Variants in SUPT20H observed in about 807,000 individuals in gnomAD.
SUPT20H encodes the protein transcription factor SPT20 homolog.
SUPT20H carries 82 observed loss-of-function variants against 122.8 expected under a neutral mutation model. That is an observed-to-expected ratio of 0.67 (90% CI 0.56 to 0.80). The LOEUF (loss-of-function observed/expected upper bound fraction) is 0.80. Among genes scored for constraint, SUPT20H ranks in the 30% least tolerant of loss-of-function variants. SUPT20H has a pLI of 0.00. For missense variants in SUPT20H, 831 were observed against 921.6 expected, an observed-to-expected ratio of 0.90 and a Z score of 1.27; for synonymous variants, 291 against 313.0, an observed-to-expected ratio of 0.93 and a Z score of 0.74.
At chr13:37,048,922 T>C (rs1274515508) in intron 2 of SUPT20H, among the ~76,000 whole-genome samples, 1 of 145,058 alleles carries the variant, frequency 6.9e-6, no homozygotes, top group East Asian at 2.1e-4. Context: ...TTCAAAAAAA[T>C]ATACTGGCCA....
At chr13:37,020,698 TTCTCA>T (rs1268757922) in intron 21 of SUPT20H, among the ~76,000 whole-genome samples, 2 of 152,200 alleles carry the variant, frequency 1.3e-5, no homozygotes, top group African/African-American at 4.8e-5. Context: ...TAGGTTCTCT[TTCTCA>T]TAACTAAGAA....
At position 37,019,359 on chromosome 13, in the gene SUPT20H, G is replaced by C. The variant is rs1373850541; in HGVS notation, c.1855C>G (p.Pro619Ala). ...FGLKNTSSLRPLNLLQLPGGS... is the reference protein window; with the variant it reads ...FGLKNTSSLRALNLLQLPGGS... ...AGGTTTACCTGGAGTAGATTTAAGG[G>C]CCTGAGACTTGAAGTATTTTTTAAA... The change falls in exon 22 of 26, where the codon CCC becomes GCC. Residue 619 changes from proline (P) to alanine (A), a missense_variant. Transcript: ENST00000350612. 1.2e-6 allele frequency: 2 copies of C among 1,602,698 alleles called. No homozygotes were observed. The highest frequency in any genetic ancestry group is 1.7e-6 in the Non-Finnish European group (2 of 1,175,728).
At chr13:37,026,377 AT>A (rs1217184558) in intron 15 of SUPT20H, 141 bp from the exon 16 acceptor site, 4 of 520,176 alleles carry the variant, frequency 7.7e-6, no homozygotes, top group Non-Finnish European at 1.3e-5. Context: ...TATGAAAAAA[AT>A]TTTTTTAATG....
chr13:37,038,903 T>C (rs970005084), intron 9 of SUPT20H: 3 of 152,190 alleles, frequency 2.0e-5, no homozygotes, highest in African/African-American at 7.2e-5. Context: ...AGAACAAACA[T>C]CAAATTGATG....
chr13:37,030,743 T>C (rs1281125931), intron 12 of SUPT20H, among the ~76,000 whole-genome samples: 1 of 152,176 alleles, frequency 6.6e-6, no homozygotes, highest in Non-Finnish European at 1.5e-5. Flanking sequence ...CAAAGCTAAA[T>C]TCCACCCTTC....
Position 37,056,848 on chromosome 13 carries a change from G to A in SUPT20H, c.-94+2711C>T, listed in dbSNP as rs1049000955. The stretch of plus-strand genomic sequence containing the variant: ...TGGCTGCACAAGAGTAACTTGCAGA[G>A]CTTCAAACTGTGGGATGCCTGTGAC... On this transcript the variant is annotated intron_variant, in intron 1 of 25. Coordinates refer to ENST00000350612, the MANE Select transcript of SUPT20H (RefSeq NM_001014286.3). The A allele has an allele frequency of 7.2e-5, 11 of 152,194 alleles. No individual in the cohort carries two copies. In the East Asian group the frequency reaches 1.7e-3, roughly 24 times the overall value. The allele number at this position is 152,194 out of a possible 1,614,324, so 9.4% of individuals were successfully genotyped here.
At chr13:37,048,498 C>CT (rs2066948811) in intron 3 of SUPT20H, 66 bp downstream of exon 3, 1 of 1,455,170 alleles carries the variant, frequency 6.9e-7, no homozygotes. Context: ...ACAAAAATCT[C>CT]TTAAAACTGA....
rs2063780750 is a variant in SUPT20H, at chr13:37,033,507, A to T, written c.649T>A (p.Cys217Ser). The change falls in exon 10 of 26, where the codon TGC becomes AGC. Residue 217 changes from cysteine to serine, a missense_variant. By Grantham distance (112) the Cys-to-Ser change is moderately radical. Transcript: ENST00000350612. Reference protein sequence around the residue: ...LCLDPSIAVTCTANRLLYNKQ... With the variant: ...LCLDPSIAVTSTANRLLYNKQ... ...TTATAGAGCAGTCTGTTTGCAGTGC[A>T]GGTGACTGCTATAGAAGGATCAAGA... 1.2e-6 allele frequency: 2 copies of T among 1,613,662 alleles called. No individual in the cohort carries two copies. The highest frequency in any genetic ancestry group is 1.7e-5 in the Admixed American group (1 of 59,922).
chr13:37,009,902 A>G, intron 25 of SUPT20H, 93 bp from the exon 26 acceptor site: 1 of 1,504,776 alleles, frequency 6.6e-7, no homozygotes. Context: ...ACAACTGAAA[A>G]AGGGAGAAAG....
intron 10 of SUPT20H, among the ~76,000 whole-genome samples, chr13:37,032,573 G>C (rs2063561071): frequency 6.6e-6 from 1 of 152,136 alleles, no homozygotes; most frequent in African/African-American, 2.4e-5. Flanking sequence ...TGCCAGGGTA[G>C]GGAACCTCAA....
At chr13:37,038,552 G>A (rs1260010013) in intron 9 of SUPT20H, 4 of 152,162 alleles carry the variant, frequency 2.6e-5, no homozygotes, top group Non-Finnish European at 5.9e-5. Flanking sequence ...GGTAGTTACT[G>A]ATGAACTGAA....
At chr13:37,048,831 A>C (rs2067030912) in intron 2 of SUPT20H, among the ~76,000 whole-genome samples, 1 of 152,174 alleles carries the variant, frequency 6.6e-6, no homozygotes. Context: ...CTCTCTGGTC[A>C]GTGTTTGTGA....
chr13:37,011,447 T>A (rs1465693856), intron 24 of SUPT20H, among the ~76,000 whole-genome samples: 3 of 152,184 alleles, frequency 2.0e-5, no homozygotes, highest in African/African-American at 4.8e-5. Flanking sequence ...ATTATCATTC[T>A]AAAAGACTTC....
At chr13:37,026,859 A>G (rs777333739) in intron 14 of SUPT20H, 43 bp from the exon 15 acceptor site, 1 of 1,286,274 alleles carries the variant, frequency 7.8e-7, no homozygotes. Flanking sequence ...AATGCAGCTC[A>G]AACTTTAACT....
intron 6 of SUPT20H, 52 bp downstream of exon 6, chr13:37,045,195 C>T: frequency 4.4e-6 from 7 of 1,604,188 alleles, no homozygotes; most frequent in African/African-American, 1.3e-5. Context: ...AAAAACCGCA[C>T]ATCCTGCCTA....
chr13:37,035,154 T>C (rs2064098262), intron 9 of SUPT20H, among the ~76,000 whole-genome samples: 1 of 152,226 alleles, frequency 6.6e-6, no homozygotes, highest in African/African-American at 2.4e-5. Flanking sequence ...CTTTCAAGTC[T>C]TAATATTTAA....
intron 14 of SUPT20H, 75 bp from the exon 15 acceptor site, chr13:37,026,891 AT>A: frequency 1.1e-6 from 1 of 949,644 alleles, no homozygotes. Context: ...TAAATAAAGT[AT>A]TTTATGAATA....
chr13:37,021,869 G>C, intron 20 of SUPT20H, 142 bp downstream of exon 20: 2 of 998,702 alleles, frequency 2.0e-6, no homozygotes, highest in South Asian at 3.9e-5. Context: ...TACATGGTCA[G>C]GCAGCTTCTG....
chr13:37,058,240 G>A (rs1228993835), intron 1 of SUPT20H, among the ~76,000 whole-genome samples: 5 of 152,094 alleles, frequency 3.3e-5, no homozygotes, highest in Admixed American at 2.6e-4. Flanking sequence ...ACTCCAGCCT[G>A]GACAACAAGA....
Sources: allele counts gnomAD v4.1 joint callset (sites outside exome capture counted in the v4.1 genomes callset), GRCh38; gene constraint gnomAD v4.1.1; transcripts MANE v1.5; gene names NCBI Gene and HGNC (gene_info 2026-07-23, HGNC 2026-07-21).